The following ANKS1B variants were observed in gnomAD, a reference collection of about 807,000 sequenced individuals.
The protein encoded by ANKS1B is ankyrin repeat and sterile alpha motif domain-containing protein 1B.
ANKS1B carries 36 observed loss-of-function variants against 148.3 expected under a neutral mutation model. The observed-to-expected ratio is 0.24, with a 90% CI of 0.19 to 0.32. ANKS1B has a LOEUF of 0.32. Ranked by LOEUF, ANKS1B falls within the 10% of genes least tolerant of loss-of-function variation. The pLI, the probability that ANKS1B is intolerant of heterozygous loss-of-function variation, is 1.00. For missense variants in ANKS1B, 1,157 were observed against 1,542.6 expected, an observed-to-expected ratio of 0.75 and a Z score of 4.19; for synonymous variants, 542 against 560.8, an observed-to-expected ratio of 0.97 and a Z score of 0.47.
intron 9 of ANKS1B, among the ~76,000 whole-genome samples, chr12:99,595,369 G>A (rs367707360): frequency 7.2e-5 from 11 of 151,740 alleles, no homozygotes; most frequent in African/African-American, 1.9e-4. Context: ...ATTTACTCTC[G>A]TGTTATTAGA....
At chr12:99,884,002 TA>T (rs111527465) in intron 1 of ANKS1B, among the ~76,000 whole-genome samples, 25,739 of 151,422 alleles carry the variant, frequency 0.17, 2,713 homozygotes, top group Non-Finnish European at 0.24. Flanking sequence ...AACAACTCAT[TA>T]AAAAAAATAA....
chr12:99,280,669 C>T (rs1377495451), intron 12 of ANKS1B, among the ~76,000 whole-genome samples: 9 of 151,950 alleles, frequency 5.9e-5, no homozygotes, highest in Non-Finnish European at 1.2e-4. Flanking sequence ...ACAAAAAGGC[C>T]GAGTGAAAAG....
chr12:99,397,825 G>A (rs975153623), intron 12 of ANKS1B, among the ~76,000 whole-genome samples: 7 of 152,010 alleles, frequency 4.6e-5, no homozygotes, highest in Admixed American at 3.3e-4. Flanking sequence ...TTCTTATCAC[G>A]TTGAGGACAT....
intron 4 of ANKS1B, among the ~76,000 whole-genome samples, chr12:99,805,975 A>G (rs987708178): frequency 3.3e-5 from 5 of 152,230 alleles, no homozygotes; most frequent in African/African-American, 1.2e-4. Context: ...ATAGTTCTCA[A>G]TCCCAAAGGA....
chr12:99,157,758 T>C (rs934535646), intron 14 of ANKS1B, among the ~76,000 whole-genome samples: 12 of 152,144 alleles, frequency 7.9e-5, no homozygotes, highest in Non-Finnish European at 1.6e-4. Context: ...CCTCACCACT[T>C]TGGATATATC....
In ANKS1B at chr12:99,048,432, A is replaced by G. The variant is rs570762957; in HGVS notation, c.2778+4725T>C. On this transcript the variant is annotated intron_variant, in intron 17 of 26. Coordinates refer to ENST00000683438, the MANE Select transcript of ANKS1B (RefSeq NM_001352186.2). ...GTGTGTTTTACTATTTCTGATATCAATGCTTTAATAATGCCTGTTCTGTAA... is the reference window on the plus strand; with the variant it reads ...GTGTGTTTTACTATTTCTGATATCAGTGCTTTAATAATGCCTGTTCTGTAA... Among the ~76,000 whole-genome samples the G allele has an allele frequency of 2.0e-5, 3 of 152,304 alleles. No individual in the cohort carries two copies. In the South Asian group the frequency reaches 6.2e-4, roughly 32 times the overall value.
intron 17 of ANKS1B, among the ~76,000 whole-genome samples, chr12:98,962,029 A>C (rs1436490662): frequency 6.6e-6 from 1 of 152,044 alleles, no homozygotes. Context: ...AAGACCGCAA[A>C]ACAACCAGGA....
rs2067650381 is a variant in ANKS1B, at chr12:99,806,428, C to A, written c.645G>T (p.Glu215Asp). 1 of 1,613,820 alleles carries A rather than the reference C, an allele frequency of 6.2e-7. No individual in the cohort carries two copies. Among genetic ancestry groups the A allele is most frequent in the African/African-American group, 1.3e-5 (1 of 74,950 alleles). ...CTTGACAGCTCACATCCATTCCTGC[C>A]TCCAGCAGCACCTGCACGACTGCTT... ...GHKAVVQVLL[E>D]AGMDVSCQTE... Residue 215 changes from glutamate to aspartate, a missense_variant, in exon 4 of 27, where the codon GAG becomes GAT. This residue lies in a region of ANKS1B where 26 missense variants were observed against 83.4 expected (regional missense o/e 0.31). Coordinates refer to ENST00000683438, the MANE Select transcript of ANKS1B (RefSeq NM_001352186.2).
At position 98,745,513 on chromosome 12, in the gene ANKS1B, T is replaced by A; in HGVS notation, c.*226A>T. 1.6e-6 allele frequency: 2 copies of A among 1,238,126 alleles called. No individual in the cohort carries two copies. The highest frequency in any genetic ancestry group is 2.0e-6 in the Non-Finnish European group (2 of 984,512). The allele number at this position is 1,238,126 out of a possible 1,614,324, so 76.7% of individuals were successfully genotyped here. A position where few individuals can be genotyped will look rare whatever the true frequency, so the allele number is the denominator to read the frequency against. On this transcript the variant is annotated 3_prime_UTR_variant, in exon 27 of 27. Transcript: ENST00000683438. ...AGTCGGGAGCATCAGGGAAAACCCA[T>A]CTCAACTCACGCCTCTCAGGGGTTG...
At chr12:98,920,804 G>A (rs1330883132) in intron 17 of ANKS1B, among the ~76,000 whole-genome samples, 3 of 152,160 alleles carry the variant, frequency 2.0e-5, no homozygotes, top group Non-Finnish European at 4.4e-5. Context: ...TCTCCTTAGA[G>A]TTTTATCTTT....
chr12:99,581,777 G>A (rs377127075), intron 9 of ANKS1B, among the ~76,000 whole-genome samples: 6 of 151,722 alleles, frequency 4.0e-5, no homozygotes, highest in African/African-American at 1.5e-4. Context: ...TGTAGTCCCA[G>A]CTACTCGGGA....
At chr12:99,156,446 G>T (rs1458893836) in intron 14 of ANKS1B, among the ~76,000 whole-genome samples, 2 of 152,144 alleles carry the variant, frequency 1.3e-5, no homozygotes, top group Non-Finnish European at 2.9e-5. Context: ...AAACCCTTCT[G>T]TGGTTTTCTG....
intron 8 of ANKS1B, among the ~76,000 whole-genome samples, chr12:99,749,918 T>A (rs1217912364): frequency 6.6e-6 from 1 of 152,014 alleles, no homozygotes; most frequent in Non-Finnish European, 1.5e-5. Context: ...TAGTTCACTG[T>A]CAGAAAAGAT....
At chr12:99,844,402 G>A (rs1337338309) in intron 1 of ANKS1B, among the ~76,000 whole-genome samples, 33 of 152,038 alleles carry the variant, frequency 2.2e-4, no homozygotes. Flanking sequence ...AATATATCTT[G>A]AGTTGATTTT....
intron 12 of ANKS1B, among the ~76,000 whole-genome samples, chr12:99,270,650 T>C (rs1180410081): frequency 5.3e-5 from 8 of 152,164 alleles, no homozygotes; most frequent in Admixed American, 2.6e-4. Context: ...GTTCCCTGGA[T>C]GGTTTCCTTA....
chr12:99,068,438 C>G (rs888485098), intron 16 of ANKS1B, among the ~76,000 whole-genome samples: 18 of 152,152 alleles, frequency 1.2e-4, no homozygotes, highest in African/African-American at 3.6e-4. Context: ...GGAAATTTTT[C>G]AGCTCTATTA....
intron 12 of ANKS1B, among the ~76,000 whole-genome samples, chr12:99,363,679 C>A (rs1186445917): frequency 6.6e-6 from 1 of 152,096 alleles, no homozygotes; most frequent in Non-Finnish European, 1.5e-5. Context: ...ATATAAGCTT[C>A]CGACCTCCAA....
intron 9 of ANKS1B, among the ~76,000 whole-genome samples, chr12:99,601,368 A>G (rs2097798304): frequency 6.6e-6 from 1 of 152,046 alleles, no homozygotes; most frequent in Admixed American, 6.6e-5. Context: ...CTTTGCTTTA[A>G]TAACTATTTT....
intron 23 of ANKS1B, 71 bp from the exon 24 acceptor site, chr12:98,781,274 C>T (rs974238869): frequency 5.8e-6 from 5 of 865,782 alleles, no homozygotes; most frequent in Non-Finnish European, 9.4e-6. Flanking sequence ...AATTTTTCCT[C>T]CTGAAAGATA....
Sources: allele counts gnomAD v4.1 joint callset (sites outside exome capture counted in the v4.1 genomes callset), GRCh38; gene constraint gnomAD v4.1.1; regional missense constraint gnomAD v4.1.1; transcripts MANE v1.5; gene names NCBI Gene and HGNC (gene_info 2026-07-23, HGNC 2026-07-21).